Variants in GALNT13 observed in about 807,000 individuals in gnomAD.
GALNT13 encodes the protein polypeptide N-acetylgalactosaminyltransferase 13, also known as UDP-GalNAc:polypeptide N-acetylgalactosaminyltransferase 13.
GALNT13 carries 28 observed loss-of-function variants against 64.2 expected under a neutral mutation model. The observed-to-expected ratio is 0.44, with a 90% confidence interval of 0.32 to 0.60. The LOEUF (loss-of-function observed/expected upper bound fraction) is 0.60, where lower values mean the gene tolerates loss of function less well. Ranked by LOEUF, GALNT13 falls within the 20% of genes least tolerant of loss-of-function variation. GALNT13 has a pLI of 0.05. For synonymous variants in GALNT13, 214 were observed against 224.6 expected (o/e 0.95, Z 0.42); for missense variants, 577 against 669.8 (o/e 0.86, Z 1.53).
chr2:153,665,822 T>C, the GALNT13 span, among the ~76,000 whole-genome samples: 1 of 151,964 alleles, frequency 6.6e-6, no homozygotes, highest in African/African-American at 2.4e-5. Context: ...CCATGGAAAT[T>C]GGAGTTGGCA....
chr2:154,424,517 C>A (rs1194146016), intron 11 of GALNT13, among the ~76,000 whole-genome samples: 1 of 152,136 alleles, frequency 6.6e-6, no homozygotes, highest in African/African-American at 2.4e-5. Flanking sequence ...AGGCTAGCAC[C>A]TCTGACCCTC....
chr2:154,133,787 G>A (rs954680044), intron 3 of GALNT13, among the ~76,000 whole-genome samples: 2 of 151,710 alleles, frequency 1.3e-5, no homozygotes, highest in Admixed American at 1.3e-4. Context: ...ACGGAGGAAT[G>A]AAATAATTAT....
chr2:154,059,130 G>C (rs1046064206), intron 3 of GALNT13, among the ~76,000 whole-genome samples: 2 of 152,202 alleles, frequency 1.3e-5, no homozygotes, highest in African/African-American at 4.8e-5. Flanking sequence ...TGGAACCTAA[G>C]CAACTGAAAA....
chr2:153,129,127 T>C, the GALNT13 span, among the ~76,000 whole-genome samples: 2 of 152,182 alleles, frequency 1.3e-5, no homozygotes, highest in Admixed American at 1.3e-4. Flanking sequence ...CTGTTTAGCC[T>C]GCATAGTCAT....
At position 154,018,657 on chromosome 2, in the gene GALNT13, T is replaced by C. The variant is rs148630329; in HGVS notation, c.142+74018T>C. ...GGGGCTGAGGGAGATGCAGAGAGAA[T>C]GATGAAGAGGGTGAGGGGCTGAGGG... On this transcript the variant is annotated intron_variant, in intron 3 of 12. Coordinates refer to ENST00000392825, the MANE Select transcript of GALNT13 (RefSeq NM_052917.4). 6.6e-3 allele frequency among the ~76,000 whole-genome samples: 977 copies of C among 148,102 alleles called. 13 individuals are homozygous for C. The highest frequency in any genetic ancestry group is 0.039 in the Middle Eastern group (11 of 282).
the GALNT13 span, among the ~76,000 whole-genome samples, chr2:153,614,600 A>G: frequency 7.2e-5 from 11 of 152,064 alleles, no homozygotes; most frequent in African/African-American, 2.7e-4. Context: ...ACCAAAGACT[A>G]TTTGGAACTT....
the GALNT13 span, among the ~76,000 whole-genome samples, chr2:153,646,233 A>G: frequency 6.6e-6 from 1 of 151,996 alleles, no homozygotes; most frequent in Non-Finnish European, 1.5e-5. Flanking sequence ...CCCAAAGTTC[A>G]AAAGCCTTTA....
At chr2:153,736,557 A>T in the GALNT13 span, among the ~76,000 whole-genome samples, 5 of 152,198 alleles carry the variant, frequency 3.3e-5, no homozygotes, top group African/African-American at 9.6e-5. Flanking sequence ...ACTTAAGAAC[A>T]TGTATATGTT....
At chr2:154,407,336 T>C (rs2105387901) in intron 10 of GALNT13, among the ~76,000 whole-genome samples, 1 of 152,298 alleles carries the variant, frequency 6.6e-6, no homozygotes, top group South Asian at 2.1e-4. Context: ...ATAATCTTAT[T>C]TTCAAGAAAT....
the GALNT13 span, among the ~76,000 whole-genome samples, chr2:153,518,251 C>T: frequency 1.3e-5 from 2 of 152,106 alleles, no homozygotes; most frequent in Admixed American, 6.6e-5. Context: ...GTTCTTTCTT[C>T]GTAGCCCTTA....
At chr2:154,368,311 G>T (rs993667520) in intron 9 of GALNT13, among the ~76,000 whole-genome samples, 11 of 152,078 alleles carry the variant, frequency 7.2e-5, no homozygotes, top group African/African-American at 2.4e-4. Context: ...GGCCAGTATA[G>T]CTCAGACAAA....
At chr2:153,226,028 G>A in the GALNT13 span, among the ~76,000 whole-genome samples, 3 of 151,828 alleles carry the variant, frequency 2.0e-5, no homozygotes, top group Admixed American at 1.3e-4. Context: ...CCACCTCCCA[G>A]GTTCAAGCAC....
chr2:153,284,657 A>AG, the GALNT13 span, among the ~76,000 whole-genome samples: 1 of 152,126 alleles, frequency 6.6e-6, no homozygotes, highest in African/African-American at 2.4e-5. Context: ...GAGTCACAGA[A>AG]GGAGACTCTC....
chr2:154,187,261 C>A (rs1462130589), intron 4 of GALNT13, among the ~76,000 whole-genome samples: 1 of 151,784 alleles, frequency 6.6e-6, no homozygotes, highest in Non-Finnish European at 1.5e-5. Context: ...CACATAAATG[C>A]ACTTTTAAAA....
chr2:154,395,794 C>T (rs962118504), intron 9 of GALNT13, among the ~76,000 whole-genome samples, 197 bp from the exon 10 acceptor site: 1 of 152,012 alleles, frequency 6.6e-6, no homozygotes, highest in Non-Finnish European at 1.5e-5. Flanking sequence ...AAAGTCATAA[C>T]CAATGGGAGA....
At chr2:153,291,145 C>G in the GALNT13 span, among the ~76,000 whole-genome samples, 3 of 152,060 alleles carry the variant, frequency 2.0e-5, no homozygotes, top group Non-Finnish European at 4.4e-5. Flanking sequence ...GCCACTAGTC[C>G]TAATCATGAT....
the GALNT13 span, among the ~76,000 whole-genome samples, chr2:153,798,461 A>G: frequency 6.6e-6 from 1 of 152,156 alleles, no homozygotes; most frequent in African/African-American, 2.4e-5. Context: ...TTTATGTTTT[A>G]TGTGAATTCA....
chr2:154,253,772 C>T (rs544240417), intron 7 of GALNT13, among the ~76,000 whole-genome samples: 4 of 152,280 alleles, frequency 2.6e-5, no homozygotes, highest in African/African-American at 9.6e-5. Context: ...TTTGGAATTT[C>T]AGAAATAAAA....
chr2:153,240,203 CTCTT>C, the GALNT13 span, among the ~76,000 whole-genome samples: 9 of 152,170 alleles, frequency 5.9e-5, no homozygotes, highest in African/African-American at 2.2e-4. Context: ...TGGATCTTCT[CTCTT>C]TTTTTCTTAG....
Sources: gnomAD v4.1 joint callset for allele counts (sites outside exome capture counted in the v4.1 genomes callset) on GRCh38, gnomAD v4.1.1 for gene constraint, MANE v1.5 for transcripts, NCBI Gene and HGNC (gene_info 2026-07-23, HGNC 2026-07-21) for gene names.